Variants in PTPRA observed in about 807,000 individuals in gnomAD.
PTPRA encodes the protein receptor-type tyrosine-protein phosphatase alpha.
A neutral mutation model predicts 104.8 loss-of-function variants in PTPRA; 25 were observed. That is an observed-to-expected ratio of 0.24 (90% CI 0.17 to 0.33). The LOEUF is 0.33. Ranked by LOEUF, PTPRA falls within the 10% of genes least tolerant of loss-of-function variation. PTPRA has a pLI of 1.00. For synonymous variants in PTPRA, 323 were observed against 368.9 expected (o/e 0.88, Z 1.43); for missense variants, 765 against 1,015.3 (o/e 0.75, Z 3.35).
chr20:3,001,736 G>A (rs966657723), intron 9 of PTPRA, among the ~76,000 whole-genome samples: 1 of 152,142 alleles, frequency 6.6e-6, no homozygotes, highest in Non-Finnish European at 1.5e-5. Context: ...CATAGGGTCA[G>A]GGGTAATTGC....
rs1346993490 is a variant in PTPRA, at chr20:3,027,759, C to T, written c.1838C>T (p.Thr613Ile). The T allele has an allele frequency of 6.2e-7, 1 of 1,614,146 alleles. No homozygotes were observed. Among genetic ancestry groups the T allele is most frequent in the South Asian group, 1.1e-5 (1 of 91,080 alleles). The part of the protein sequence containing the change: ...YIASQGPLLH[T>I]IEDFWRMIWE... Reference sequence around the variant, plus strand: ...GCCAGCCAGGGCCCTCTTCTCCACACAATTGAGGACTTCTGGCGAATGATC... The same window carrying T: ...GCCAGCCAGGGCCCTCTTCTCCACATAATTGAGGACTTCTGGCGAATGATC... The change falls in exon 20 of 24, where the codon ACA becomes ATA. Residue 613 changes from threonine to isoleucine, a missense_variant. Thr to Ile is a moderately conservative substitution (Grantham distance 89). Around this residue, in one of 4 missense-constraint regions of PTPRA, gnomAD observed 192 missense variants for 227.0 expected, o/e 0.85. Coordinates refer to ENST00000399903, the MANE Select transcript of PTPRA (RefSeq NM_001385305.1).
At chr20:2,866,142 CT>C in the PTPRA span, 2 of 1,417,642 alleles carry the variant, frequency 1.4e-6, no homozygotes, top group East Asian at 4.6e-5. Flanking sequence ...CATTGCGCCT[CT>C]GCTCGTAAGA....
intron 1 of PTPRA, among the ~76,000 whole-genome samples, chr20:2,879,826 A>G (rs2089950130): frequency 6.6e-6 from 1 of 152,246 alleles, no homozygotes; most frequent in Admixed American, 6.5e-5. Context: ...GCAGTAGGCT[A>G]TACAATATAG....
At chr20:2,866,045 T>G in the PTPRA span, 4 of 642,152 alleles carry the variant, frequency 6.2e-6, no homozygotes, top group Non-Finnish European at 2.7e-6. Context: ...CTAAGAATGT[T>G]GAGATCACAA....
intron 6 of PTPRA, among the ~76,000 whole-genome samples, chr20:2,983,723 T>G (rs2062786730): frequency 6.6e-6 from 1 of 151,914 alleles, no homozygotes; most frequent in Non-Finnish European, 1.5e-5. Context: ...TGGGTTGGAG[T>G]ACTAGCTACT....
At chr20:3,010,095 C>A (rs921404866) in intron 11 of PTPRA, among the ~76,000 whole-genome samples, 1 of 152,038 alleles carries the variant, frequency 6.6e-6, no homozygotes, top group African/African-American at 2.4e-5. Flanking sequence ...AGTGATCCAC[C>A]TGCCTCTGCC....
chr20:2,936,619 C>G (rs1440151024), intron 2 of PTPRA, among the ~76,000 whole-genome samples: 1 of 150,528 alleles, frequency 6.6e-6, no homozygotes, highest in Non-Finnish European at 1.5e-5. Flanking sequence ...TGCCATCATG[C>G]CTGGCTAATT....
intron 1 of PTPRA, among the ~76,000 whole-genome samples, chr20:2,884,884 A>C (rs1017757680): frequency 6.7e-6 from 1 of 148,272 alleles, no homozygotes; most frequent in Non-Finnish European, 1.5e-5. Flanking sequence ...ATTTTGGCTC[A>C]CTGCAAGCTC....
Position 2,964,348 on chromosome 20 carries a change from C to T in PTPRA, c.71C>T (p.Thr24Ile). The T allele has an allele frequency of 6.3e-7, 1 of 1,592,772 alleles. No individual in the cohort carries two copies. Among genetic ancestry groups the T allele is most frequent in the Non-Finnish European group, 8.6e-7 (1 of 1,169,408 alleles). ...TGTGTCAGTGCCAACAATGCTACCA[C>T]AGGTAAATTGTCATTTGATAAGGCT... ...LICVSANNAT[T>I]VAPSVGITRL... The change falls in exon 4 of 24, where the codon ACA becomes ATA. Residue 24 changes from threonine (T) to isoleucine (I), a missense_variant and splice_region_variant. Physicochemically the swap from Thr to Ile is moderately conservative, Grantham distance 89. Coordinates refer to ENST00000399903, the MANE Select transcript of PTPRA (RefSeq NM_001385305.1).
chr20:2,985,425 A>T (rs2062857324), intron 6 of PTPRA, among the ~76,000 whole-genome samples: 1 of 152,246 alleles, frequency 6.6e-6, no homozygotes, highest in East Asian at 1.9e-4. Context: ...TCCAGAGCAC[A>T]CATGACAGGA....
chr20:2,923,094 T>G, intron 1 of PTPRA, 113 bp from the exon 2 acceptor site: 1 of 346,368 alleles, frequency 2.9e-6, no homozygotes. Flanking sequence ...CCTGGCTACT[T>G]TTTGTGGAGA....
At chr20:2,992,080 G>T (rs766972812) in intron 9 of PTPRA, among the ~76,000 whole-genome samples, 1 of 152,178 alleles carries the variant, frequency 6.6e-6, no homozygotes, top group Admixed American at 6.5e-5. Flanking sequence ...TTCTTCTTCA[G>T]TTAACTGTTG....
chr20:2,865,336 T>C, the PTPRA span: 1 of 1,614,150 alleles, frequency 6.2e-7, no homozygotes, highest in South Asian at 1.1e-5. The surrounding 1 kb of genome is among the most constrained non-coding windows in gnomAD (Gnocchi z 5.2). Context: ...GGGCCCAGGC[T>C]GCATGTGGGT....
intron 1 of PTPRA, among the ~76,000 whole-genome samples, chr20:2,902,382 C>G (rs1038542040): frequency 6.6e-6 from 1 of 152,124 alleles, no homozygotes; most frequent in Non-Finnish European, 1.5e-5. Context: ...TCCCTACTCC[C>G]TTTCTTAATT....
chr20:2,973,362 G>C (rs572551449), intron 5 of PTPRA, among the ~76,000 whole-genome samples: 1 of 152,148 alleles, frequency 6.6e-6, no homozygotes, highest in South Asian at 2.1e-4. Flanking sequence ...TTAGTGCTGT[G>C]AATTTTGAAC....
chr20:2,947,414 A>G (rs961687565), intron 2 of PTPRA, among the ~76,000 whole-genome samples: 3 of 152,130 alleles, frequency 2.0e-5, no homozygotes, highest in Admixed American at 2.0e-4. Context: ...TAATTTTCCA[A>G]CTCTTATATA....
chr20:3,022,630 C>A lies in PTPRA; in HGVS notation c.1329-59C>A, dbSNP rs1326633449. On this transcript the variant is annotated intron_variant, in intron 15 of 23. Coordinates refer to ENST00000399903, the MANE Select transcript of PTPRA (RefSeq NM_001385305.1). This position sits in a 1 kb window ranked among gnomAD's most constrained non-coding sequence, Gnocchi z 4.6. ...GAGCCCCTGCCTGTGTTGCCCCTCC[C>A]TATCTGCTCCCACAAGGCAGGCTGG... The A allele has an allele frequency of 6.2e-7, 1 of 1,607,828 alleles. No homozygotes were observed. Among genetic ancestry groups the A allele is most frequent in the Non-Finnish European group, 8.5e-7 (1 of 1,176,086 alleles).
chr20:2,963,695 G>A lies in PTPRA; in HGVS notation c.-6-577G>A, dbSNP rs557524936. ...CTCCAAAATTTGAAACTTTTTGAGC[G>A]CAGACATGATGCTCAAAAAAATGCT... On this transcript the variant is annotated intron_variant, in intron 3 of 23. Coordinates refer to ENST00000399903, the MANE Select transcript of PTPRA (RefSeq NM_001385305.1). Among the ~76,000 whole-genome samples, 9 of 152,158 alleles carry A rather than the reference G, an allele frequency of 5.9e-5. No homozygotes were observed. In the South Asian group the frequency reaches 6.2e-4, roughly 11 times the overall value.
At chr20:2,986,636 G>T in intron 6 of PTPRA, 129 bp from the exon 7 acceptor site, 1 of 792,744 alleles carries the variant, frequency 1.3e-6, no homozygotes, top group East Asian at 2.5e-5. Flanking sequence ...TTTCTTCTCT[G>T]TTTCCATTTC....
Sources: gnomAD v4.1 joint callset for allele counts (sites outside exome capture counted in the v4.1 genomes callset) on GRCh38, gnomAD v4.1.1 for gene constraint, gnomAD v4.1.1 regional missense constraint, Gnocchi (gnomAD v3.1) non-coding constraint, MANE v1.5 for transcripts, NCBI Gene and HGNC (gene_info 2026-07-23, HGNC 2026-07-21) for gene names.